DNAH9: variants seen among roughly 807,000 people sequenced by gnomAD.
DNAH9 encodes the protein DNAH9 variant protein.
A neutral mutation model predicts 471.6 loss-of-function variants in DNAH9; 345 were observed. The observed-to-expected ratio is 0.73, with a 90% CI of 0.67 to 0.80. The LOEUF (loss-of-function observed/expected upper bound fraction) is 0.80. DNAH9 is among the 30% of genes least tolerant of loss of function. The pLI is 0.00. For synonymous variants in DNAH9, 2,093 were observed against 2,123.6 expected, an observed-to-expected ratio of 0.99 and a Z score of 0.40; for missense variants, 5,407 against 5,609.2, an observed-to-expected ratio of 0.96 and a Z score of 1.15.
chr17:11,696,235 G>A (rs984680206), intron 22 of DNAH9, among the ~76,000 whole-genome samples: 21 of 152,074 alleles, frequency 1.4e-4, no homozygotes, highest in Admixed American at 1.2e-3. Context: ...AGCATGCTAC[G>A]CCTACCTGTT....
intron 34 of DNAH9, among the ~76,000 whole-genome samples, chr17:11,756,932 CA>C (rs1236603091): frequency 6.6e-6 from 1 of 152,166 alleles, no homozygotes; most frequent in Non-Finnish European, 1.5e-5. Context: ...TGGAGATGAC[CA>C]AATATCACTG....
intron 50 of DNAH9, among the ~76,000 whole-genome samples, chr17:11,861,474 G>A (rs964748658): frequency 3.3e-5 from 5 of 152,020 alleles, no homozygotes; most frequent in Admixed American, 2.0e-4. Flanking sequence ...GAATAGTGCC[G>A]CAATAAAAAT....
At position 11,669,226 on chromosome 17, in the gene DNAH9, G is replaced by A. The variant is rs768827013; in HGVS notation, c.2894G>A (p.Arg965Gln). Residue 965 changes from arginine (R) to glutamine (Q), a missense_variant, in exon 16 of 69, where the codon CGG (arginine) becomes CAG (glutamine). Physicochemically the swap from Arg to Gln is conservative, Grantham distance 43. Transcript: ENST00000262442. ...TTTAGGATACCATCTCTGGTGCCACGGCTTTCCCCACAAAATGGCTCTCCT... is the reference window on the plus strand; with the variant it reads ...TTTAGGATACCATCTCTGGTGCCACAGCTTTCCCCACAAAATGGCTCTCCT... ...SIFRIPSLVP[R>Q]LSPQNGSPHY... 25 of 1,613,974 alleles carry A rather than the reference G, an allele frequency of 1.5e-5. No individual in the cohort carries two copies. In the East Asian group the frequency reaches 2.5e-4, roughly 16 times the overall value.
At chr17:11,632,324 G>A (rs978247213) in intron 7 of DNAH9, among the ~76,000 whole-genome samples, 2 of 152,150 alleles carry the variant, frequency 1.3e-5, no homozygotes, top group Admixed American at 6.5e-5. Context: ...GAAGCAGAAC[G>A]GAGGAGCATG....
chr17:11,759,517 C>CTTT lies in DNAH9; in HGVS notation c.6995+1846_6995+1848dup, dbSNP rs1157505657. Among the ~76,000 whole-genome samples, 829 of 83,942 alleles carry CTTT rather than the reference C, an allele frequency of 9.9e-3. 28 individuals carry two copies. The highest frequency in any genetic ancestry group is 0.013 in the South Asian group (30 of 2,346). 55.1% of individuals were successfully genotyped at this position (83,942 alleles called of 152,430 possible). On this transcript the variant is annotated intron_variant, in intron 35 of 68. Coordinates refer to ENST00000262442, the MANE Select transcript of DNAH9 (RefSeq NM_001372.4). ...TATACATAGGTATATATACACACCA[C>CTTT]TTTTTTTTTTTTTTTTTTTTTTTGA...
chr17:11,918,994 A>G (rs1286573669), intron 61 of DNAH9, among the ~76,000 whole-genome samples: 2 of 152,044 alleles, frequency 1.3e-5, no homozygotes, highest in Non-Finnish European at 1.5e-5. Context: ...CTCAAAAAAT[A>G]AAATAATAAT....
intron 26 of DNAH9, among the ~76,000 whole-genome samples, chr17:11,705,704 A>G (rs753522964): frequency 3.3e-5 from 5 of 152,212 alleles, no homozygotes; most frequent in Non-Finnish European, 4.4e-5. Context: ...TGTATTGTAT[A>G]TTTCATAGTA....
chr17:11,826,231 G>A (rs1031671601), intron 48 of DNAH9, among the ~76,000 whole-genome samples: 1 of 152,198 alleles, frequency 6.6e-6, no homozygotes, highest in Non-Finnish European at 1.5e-5. Flanking sequence ...TAATCAAGCC[G>A]ATTCCCTGCT....
chr17:11,705,379 A>G, intron 26 of DNAH9, 194 bp downstream of exon 26: 1 of 551,254 alleles, frequency 1.8e-6, no homozygotes. Context: ...CAAATCCCAG[A>G]GCAAATCAAT....
Position 11,869,257 on chromosome 17 carries a change from AGTGTAAGC to A in DNAH9, c.10053+5_10053+12del. The A allele has an allele frequency of 6.2e-7, 1 of 1,612,914 alleles. No individual in the cohort carries two copies. Among genetic ancestry groups the A allele is most frequent in the East Asian group, 2.2e-5 (1 of 44,880 alleles). On this transcript the variant is annotated splice_donor_5th_base_variant and intron_variant, in intron 51 of 68. Transcript: ENST00000262442. ...CATCTCCCTTGCCAACCGCCTGGTG[AGTGTAAGC>A]CACAGCAGCCCGAGCTGTAATTATA...
Position 11,869,149 on chromosome 17 carries a change from C to G in DNAH9, c.9949C>G (p.Leu3317Val). 6.2e-7 allele frequency: 1 copy of G among 1,613,602 alleles called. No homozygotes were observed. The highest frequency in any genetic ancestry group is 8.5e-7 in the Non-Finnish European group (1 of 1,179,718). ...TCCTAAACAGCACCTTAATGAAAAC[C>G]TGGCAAAGCTCACAGCCAGGTTTGA... is the stretch of plus-strand genomic sequence containing the variant. ...KAKIAHLNEN[L>V]AKLTARFEKA... The change falls in exon 51 of 69, where the codon CTG (leucine) becomes GTG (valine). Residue 3317 changes from leucine to valine, a missense_variant. Leu to Val is a conservative substitution (Grantham distance 32). Around this residue, in one of 3 missense-constraint regions of DNAH9, gnomAD observed 4,636 missense variants for 4,900.3 expected, o/e 0.95. Transcript: ENST00000262442.
intron 19 of DNAH9, among the ~76,000 whole-genome samples, chr17:11,687,913 A>G (rs1451454009): frequency 2.0e-5 from 3 of 151,708 alleles, no homozygotes; most frequent in Non-Finnish European, 2.9e-5. Context: ...AGGCAGGTGG[A>G]TCATGAGGTC....
intron 53 of DNAH9, 61 bp from the exon 54 acceptor site, chr17:11,880,017 T>C (rs2150994241): frequency 6.3e-7 from 1 of 1,595,258 alleles, no homozygotes; most frequent in Non-Finnish European, 8.6e-7. Flanking sequence ...TCTCATTAAA[T>C]GGTCTCAACT....
In DNAH9 at chr17:11,762,758, G is replaced by GTGTTTTTTT. The variant is rs1967733089; in HGVS notation, c.6996-681_6996-680insGTTTTTTTT. ...GCACCAAAATTGCCTCTTTAGGTGC[G>GTGTTTTTTT]TTTTTTTTTTTGTTTTTTTTTTTTT... is the stretch of plus-strand genomic sequence containing the variant. On this transcript the variant is annotated intron_variant, in intron 35 of 68. Coordinates refer to ENST00000262442, the MANE Select transcript of DNAH9 (RefSeq NM_001372.4). 4.2e-5 allele frequency among the ~76,000 whole-genome samples: 4 copies of GTGTTTTTTT among 94,792 alleles called. 1 individual carries two copies. Among genetic ancestry groups the GTGTTTTTTT allele is most frequent in the Non-Finnish European group, 6.4e-5 (3 of 46,738 alleles). 62.2% of individuals were successfully genotyped at this position (94,792 alleles called of 152,430 possible).
At chr17:11,848,023 A>C (rs1246788743) in intron 49 of DNAH9, among the ~76,000 whole-genome samples, 1 of 151,762 alleles carries the variant, frequency 6.6e-6, no homozygotes, top group East Asian at 1.9e-4. Flanking sequence ...TTTTCTCCTC[A>C]AGCCCAGAGT....
chr17:11,824,385 G>A (rs1970416668), intron 48 of DNAH9, among the ~76,000 whole-genome samples: 1 of 152,084 alleles, frequency 6.6e-6, no homozygotes, highest in Non-Finnish European at 1.5e-5. Flanking sequence ...TTCATTTAGT[G>A]GGATGCAGTG....
At chr17:11,828,592 C>T (rs1343150424) in intron 48 of DNAH9, among the ~76,000 whole-genome samples, 1 of 152,076 alleles carries the variant, frequency 6.6e-6, no homozygotes, top group Admixed American at 6.5e-5. Flanking sequence ...GCACACTAGA[C>T]CAGCACTACC....
intron 53 of DNAH9, among the ~76,000 whole-genome samples, chr17:11,875,497 G>T (rs1972439760): frequency 6.6e-6 from 1 of 152,056 alleles, no homozygotes; most frequent in African/African-American, 2.4e-5. Context: ...ATATCCCATT[G>T]TCACATAGCT....
intron 14 of DNAH9, among the ~76,000 whole-genome samples, chr17:11,654,597 A>G (rs1172113330): frequency 6.6e-6 from 1 of 151,978 alleles, no homozygotes; most frequent in Non-Finnish European, 1.5e-5. Context: ...AAATAACCAA[A>G]AATGGCCACA....
Sources: gnomAD v4.1 joint callset for allele counts (sites outside exome capture counted in the v4.1 genomes callset) on GRCh38, gnomAD v4.1.1 for gene constraint, gnomAD v4.1.1 regional missense constraint, MANE v1.5 for transcripts, NCBI Gene and HGNC (gene_info 2026-07-23, HGNC 2026-07-21) for gene names.